The following CEP112 variants were observed in gnomAD, a reference collection of about 807,000 sequenced individuals.
CEP112 encodes the protein centrosomal protein of 112 kDa.
Under a neutral mutation model 153.0 loss-of-function variants are expected in CEP112, and 127 were observed. The ratio of observed to expected loss-of-function variants is 0.83; its 90% confidence interval spans 0.72 to 0.96. The LOEUF is 0.96. Among genes scored for constraint, CEP112 ranks in the 40% least tolerant of loss-of-function variants. CEP112 has a pLI of 0.00. For synonymous variants in CEP112, 358 were observed against 374.4 expected (o/e 0.96, Z 0.51); for missense variants, 1,089 against 1,101.2 (o/e 0.99, Z 0.16).
intron 21 of CEP112, among the ~76,000 whole-genome samples, chr17:65,769,437 C>T (rs1379880284): frequency 6.6e-6 from 1 of 151,826 alleles, no homozygotes; most frequent in Non-Finnish European, 1.5e-5. Context: ...TCATAAGGAC[C>T]CACAAAAGAC....
intron 6 of CEP112, among the ~76,000 whole-genome samples, chr17:66,101,770 G>T (rs1414723356): frequency 6.6e-6 from 1 of 151,836 alleles, no homozygotes; most frequent in East Asian, 1.9e-4. Flanking sequence ...TTAAATACAT[G>T]CTGGAAAAAA....
chr17:66,184,962 G>A (rs2072866653), intron 1 of CEP112, among the ~76,000 whole-genome samples: 1 of 151,696 alleles, frequency 6.6e-6, no homozygotes, highest in Non-Finnish European at 1.5e-5. Context: ...CTTATGCTAA[G>A]TGAAAGAAGC....
chr17:65,652,207 G>A (rs1189301485), intron 24 of CEP112, among the ~76,000 whole-genome samples: 1 of 152,190 alleles, frequency 6.6e-6, no homozygotes, highest in East Asian at 1.9e-4. Flanking sequence ...AGACTCTTTT[G>A]TAATCTTTTG....
intron 21 of CEP112, among the ~76,000 whole-genome samples, chr17:65,763,451 A>G (rs2145416142): frequency 6.6e-6 from 1 of 150,548 alleles, no homozygotes. Flanking sequence ...ATATGTGTAC[A>G]TTACACCTTT....
At position 66,014,123 on chromosome 17, in the gene CEP112, CAT is replaced by C. The variant is rs781722124; in HGVS notation, c.1657-8356_1657-8355del. 9.8e-5 allele frequency among the ~76,000 whole-genome samples: 15 copies of C among 152,338 alleles called. No homozygotes were observed. In the East Asian group the frequency reaches 2.3e-3, roughly 24 times the overall value. ...GAAGGGCAAGGTTCACCCATGCACACATGTGCCAATATGGCAATAGGAGGATG... is the reference window on the plus strand; with the variant it reads ...GAAGGGCAAGGTTCACCCATGCACACGTGCCAATATGGCAATAGGAGGATG... On this transcript the variant is annotated intron_variant, in intron 16 of 26. Transcript: ENST00000535342.
intron 20 of CEP112, among the ~76,000 whole-genome samples, chr17:65,864,913 A>AGTGT (rs6146121): frequency 1.6e-3 from 237 of 144,598 alleles, no homozygotes; most frequent in African/African-American, 2.1e-3. Context: ...GGGGTAAGCA[A>AGTGT]GTGTGTGTGT....
intron 21 of CEP112, among the ~76,000 whole-genome samples, chr17:65,776,244 T>C (rs947180148): frequency 2.2e-5 from 3 of 138,176 alleles, no homozygotes; most frequent in African/African-American, 6.9e-5. Context: ...CCCCATCCCC[T>C]TTTTTTTTGA....
chr17:65,964,941 C>A (rs1259157248), intron 17 of CEP112, among the ~76,000 whole-genome samples: 1 of 152,122 alleles, frequency 6.6e-6, no homozygotes, highest in Non-Finnish European at 1.5e-5. Flanking sequence ...GTTTATATAT[C>A]ACTTACTTTT....
At chr17:65,878,295 G>C (rs2058916414) in intron 20 of CEP112, among the ~76,000 whole-genome samples, 3 of 152,132 alleles carry the variant, frequency 2.0e-5, no homozygotes, top group African/African-American at 7.2e-5. Flanking sequence ...CAATGTATAT[G>C]TATGCTAAAA....
chr17:65,649,010 C>A (rs1285408408), intron 24 of CEP112, among the ~76,000 whole-genome samples: 3 of 152,046 alleles, frequency 2.0e-5, no homozygotes, highest in Non-Finnish European at 4.4e-5. Context: ...AACATCGTGC[C>A]ACTGCACTCT....
rs185727053 is a variant in CEP112, at chr17:66,130,669, G to A, written c.565-846C>T. ...TGGGCACCTGTAATCCCAGCTACTC[G>A]GGACGCTGAGGCAGGAGAATGGTGT... On this transcript the variant is annotated intron_variant, in intron 5 of 26. Transcript: ENST00000535342. 2.2e-4 allele frequency among the ~76,000 whole-genome samples: 33 copies of A among 151,742 alleles called. No homozygotes were observed. The South Asian group carries it at 3.8e-3, about 17-fold the overall frequency.
intron 19 of CEP112, among the ~76,000 whole-genome samples, chr17:65,908,165 A>G (rs1466880755): frequency 6.6e-6 from 1 of 152,158 alleles, no homozygotes; most frequent in African/African-American, 2.4e-5. Flanking sequence ...TCCATAATCC[A>G]AAAGCATTGA....
intron 17 of CEP112, among the ~76,000 whole-genome samples, chr17:65,991,709 CT>C (rs375574656): frequency 1.2e-3 from 185 of 152,182 alleles, no homozygotes; most frequent in Middle Eastern, 3.4e-3. Context: ...AGTTTGCAGG[CT>C]TCCTTTTAGG....
chr17:65,974,878 G>A (rs2062973444), intron 17 of CEP112, among the ~76,000 whole-genome samples: 1 of 151,848 alleles, frequency 6.6e-6, no homozygotes, highest in Admixed American at 6.6e-5. Flanking sequence ...AAGGAATGAA[G>A]GTAGGGTGAC....
chr17:66,042,799 T>C (rs965296453), intron 12 of CEP112, among the ~76,000 whole-genome samples: 1 of 152,072 alleles, frequency 6.6e-6, no homozygotes, highest in East Asian at 1.9e-4. Context: ...ATATGGGAAT[T>C]CTCTGCACTA....
chr17:66,073,529 C>T (rs11079641), intron 8 of CEP112, among the ~76,000 whole-genome samples: 60,208 of 152,104 alleles, frequency 0.4, 13,508 homozygotes, highest in East Asian at 0.87. Flanking sequence ...GTAACAGCTG[C>T]TACAGGTTAA....
At chr17:65,650,372 A>G (rs78842520) in intron 24 of CEP112, among the ~76,000 whole-genome samples, 1 of 152,144 alleles carries the variant, frequency 6.6e-6, no homozygotes, top group Non-Finnish European at 1.5e-5. Context: ...CATGAGCTTC[A>G]TTAGCAAAAA....
chr17:65,921,209 GA>G (rs1189838794), intron 19 of CEP112, among the ~76,000 whole-genome samples: 1 of 152,078 alleles, frequency 6.6e-6, no homozygotes, highest in Non-Finnish European at 1.5e-5. Context: ...ACGAAAGCCA[GA>G]TATATTACAT....
rs140814729 is a variant in CEP112 at position 65,692,157 on chromosome 17, T to C, written c.2608-2939A>G. The stretch of plus-strand genomic sequence containing the variant: ...TCCATCTATGTTAGAGAGGATGTAA[T>C]TGAGGCTCCATGCAGTTAACTACCT... On this transcript the variant is annotated intron_variant, in intron 23 of 26. Transcript: ENST00000535342. Among the ~76,000 whole-genome samples the C allele has an allele frequency of 1.5e-3, 223 of 152,270 alleles. 1 individual carries two copies. The highest frequency in any genetic ancestry group is 5.1e-3 in the African/African-American group (211 of 41,544).
Sources: allele counts gnomAD v4.1 joint callset (sites outside exome capture counted in the v4.1 genomes callset), GRCh38; gene constraint gnomAD v4.1.1; transcripts MANE v1.5; gene names NCBI Gene and HGNC (gene_info 2026-07-23, HGNC 2026-07-21).